HIVEP3: variants seen among roughly 807,000 people sequenced by gnomAD.
The protein encoded by HIVEP3 is transcription factor HIVEP3.
A neutral mutation model predicts 152.8 loss-of-function variants in HIVEP3; 49 were observed. That is an observed-to-expected ratio of 0.32 (90% CI 0.26 to 0.41). HIVEP3 has a LOEUF of 0.41. HIVEP3 is among the 10% of genes least tolerant of loss of function. The pLI is 1.00. For missense variants in HIVEP3, 2,790 were observed against 3,103.3 expected (o/e 0.90, Z 2.40); for synonymous variants, 1,269 against 1,289.0 (o/e 0.98, Z 0.33).
intron 1 of HIVEP3, among the ~76,000 whole-genome samples, chr1:41,701,407 T>C (rs1385504798): frequency 1.3e-5 from 2 of 152,228 alleles, no homozygotes; most frequent in Non-Finnish European, 2.9e-5. Flanking sequence ...ATTTGGGAAA[T>C]TGTTAGGTGT....
chr1:41,770,358 C>A (rs944012215), intron 1 of HIVEP3, among the ~76,000 whole-genome samples: 1 of 152,104 alleles, frequency 6.6e-6, no homozygotes, highest in African/African-American at 2.4e-5. Context: ...AGTTTTAACA[C>A]GTGTCCGAAA....
intron 1 of HIVEP3, among the ~76,000 whole-genome samples, chr1:42,009,222 C>A (rs992842698): frequency 2.0e-5 from 3 of 152,180 alleles, no homozygotes; most frequent in African/African-American, 7.2e-5. Flanking sequence ...CTACTGGTAT[C>A]TATTGTATCG....
chr1:41,933,520 T>A (rs556021000), intron 1 of HIVEP3, among the ~76,000 whole-genome samples: 1 of 152,154 alleles, frequency 6.6e-6, no homozygotes, highest in Non-Finnish European at 1.5e-5. Context: ...ACAGCATATC[T>A]TTTTCTATTC....
chr1:42,026,767 C>T (rs1645585033), intron 1 of HIVEP3, among the ~76,000 whole-genome samples: 1 of 152,180 alleles, frequency 6.6e-6, no homozygotes. Context: ...CTTTTGCTCT[C>T]TGAAGCGAAC....
chr1:41,531,895 G>A (rs1643268337), intron 5 of HIVEP3, among the ~76,000 whole-genome samples: 1 of 139,186 alleles, frequency 7.2e-6, no homozygotes, highest in Admixed American at 6.9e-5. Context: ...AGGGGAGATG[G>A]AGGACAGGGG....
chr1:41,929,879 T>C (rs1374433309), intron 1 of HIVEP3, among the ~76,000 whole-genome samples: 1 of 151,730 alleles, frequency 6.6e-6, no homozygotes, highest in Non-Finnish European at 1.5e-5. Flanking sequence ...TTATCAATAA[T>C]ATATTTGCTT....
At chr1:41,598,706 G>A (rs548180587) in intron 3 of HIVEP3, among the ~76,000 whole-genome samples, 2 of 152,260 alleles carry the variant, frequency 1.3e-5, no homozygotes, top group South Asian at 2.1e-4. Flanking sequence ...ATAAGCTACA[G>A]TAATCAAGAC....
chr1:41,722,894 G>A lies in HIVEP3; in HGVS notation c.-800-21899C>T, dbSNP rs560873999. Among the ~76,000 whole-genome samples, 6 of 152,262 alleles carry A rather than the reference G, an allele frequency of 3.9e-5. No individual in the cohort carries two copies. The South Asian group carries it at 1.0e-3, about 26-fold the overall frequency. On this transcript the variant is annotated intron_variant, in intron 1 of 8. Coordinates refer to ENST00000372583, the MANE Select transcript of HIVEP3 (RefSeq NM_024503.5). ...TGTGTGAGAGAAACAGGAAGAAAGA[G>A]AAAGACAGAGAGAGAGATGCATGTG...
chr1:41,946,200 A>G (rs114271863), intron 1 of HIVEP3, among the ~76,000 whole-genome samples: 1,559 of 152,324 alleles, frequency 0.01, 25 homozygotes, highest in African/African-American at 0.036. Flanking sequence ...CCCCTCGTCC[A>G]TGCCCCTTAT....
At position 41,818,706 on chromosome 1, in the gene HIVEP3, A is replaced by G. The variant is rs186058751; in HGVS notation, c.-801+99707T>C. Among the ~76,000 whole-genome samples, 75 of 152,306 alleles carry G rather than the reference A, an allele frequency of 4.9e-4. 1 individual carries two copies. The highest frequency in any genetic ancestry group is 8.8e-4 in the Non-Finnish European group (60 of 68,028). On this transcript the variant is annotated intron_variant, in intron 1 of 8. Transcript: ENST00000372583. ...AGATGATATTATTATTCCCGTCTAT[A>G]GGAGGAAATAGGTATTCACATTTAG...
At chr1:41,954,968 T>G (rs1645132402) in intron 1 of HIVEP3, among the ~76,000 whole-genome samples, 1 of 151,820 alleles carries the variant, frequency 6.6e-6, no homozygotes, top group Non-Finnish European at 1.5e-5. Flanking sequence ...TTCCAGGTTT[T>G]TTTTTTTTTT....
Position 41,916,451 on chromosome 1 carries a change from C to A in HIVEP3, c.-801+1962G>T, listed in dbSNP as rs191206828. 2.0e-4 allele frequency among the ~76,000 whole-genome samples: 31 copies of A among 152,250 alleles called. No homozygotes were observed. In the East Asian group the frequency reaches 5.8e-3, roughly 28 times the overall value. ...GGCGCTCAGGGGTGTGACAGGAGGG[C>A]CCCTGTTAACAATTCTGTATCCTGT... On this transcript the variant is annotated intron_variant, in intron 1 of 8. Coordinates refer to ENST00000372583, the MANE Select transcript of HIVEP3 (RefSeq NM_024503.5).
At chr1:41,885,087 T>C (rs1644323649) in intron 1 of HIVEP3, among the ~76,000 whole-genome samples, 1 of 152,152 alleles carries the variant, frequency 6.6e-6, no homozygotes, top group Non-Finnish European at 1.5e-5. Context: ...AGAACCATGT[T>C]CCAGTCTCAT....
chr1:41,865,272 C>G (rs572821128), intron 1 of HIVEP3, among the ~76,000 whole-genome samples: 2 of 152,342 alleles, frequency 1.3e-5, no homozygotes, highest in South Asian at 4.1e-4. Flanking sequence ...ATGGGACAGA[C>G]AGGAGATCTG....
chr1:41,888,189 C>T (rs1368092034), intron 1 of HIVEP3, among the ~76,000 whole-genome samples: 1 of 149,760 alleles, frequency 6.7e-6, no homozygotes, highest in Non-Finnish European at 1.5e-5. Flanking sequence ...GCACCCACCA[C>T]CACGCCCGGC....
At chr1:41,625,037 C>A (rs2149145033) in intron 3 of HIVEP3, among the ~76,000 whole-genome samples, 1 of 152,040 alleles carries the variant, frequency 6.6e-6, no homozygotes, top group Non-Finnish European at 1.5e-5. Flanking sequence ...GTGGCATGCG[C>A]CTGTAAGCCC....
At chr1:41,696,155 C>T (rs902579697) in intron 2 of HIVEP3, among the ~76,000 whole-genome samples, 5 of 152,252 alleles carry the variant, frequency 3.3e-5, no homozygotes, top group Non-Finnish European at 5.9e-5. Flanking sequence ...CTCCTGAAGA[C>T]CAGTCCACAC....
chr1:41,854,315 T>C lies in HIVEP3; in HGVS notation c.-801+64098A>G, dbSNP rs565478774. On this transcript the variant is annotated intron_variant, in intron 1 of 8. Transcript: ENST00000372583. ...CTGACTGCAGAGCCAGGCCCAGGTC[T>C]GAAGGGCCACGGGTGCCTGGTTTCA... is the stretch of plus-strand genomic sequence containing the variant. 2.0e-5 allele frequency among the ~76,000 whole-genome samples: 3 copies of C among 152,286 alleles called. No individual in the cohort carries two copies. The South Asian group carries it at 6.2e-4, about 32-fold the overall frequency.
At chr1:42,003,566 C>T (rs1192039621) in intron 1 of HIVEP3, among the ~76,000 whole-genome samples, 2 of 152,166 alleles carry the variant, frequency 1.3e-5, no homozygotes, top group African/African-American at 4.8e-5. Context: ...GACAAACCAC[C>T]TTGGGAGCAA....
Sources: gnomAD v4.1 joint callset for allele counts (sites outside exome capture counted in the v4.1 genomes callset) on GRCh38, gnomAD v4.1.1 for gene constraint, MANE v1.5 for transcripts, NCBI Gene and HGNC (gene_info 2026-07-23, HGNC 2026-07-21) for gene names.